Variants in NGEF observed in about 807,000 individuals in gnomAD.
NGEF encodes ephexin-1.
In NGEF, 31 loss-of-function variants were observed where a neutral mutation model predicts 80.9. That is an observed-to-expected ratio of 0.38 (90% CI 0.29 to 0.52). NGEF has a LOEUF of 0.52. NGEF is among the 20% of genes least tolerant of loss of function. The pLI is 0.84. For synonymous variants in NGEF, 371 were observed against 370.2 expected, an observed-to-expected ratio of 1.00 and a Z score of -0.03; for missense variants, 709 against 926.2, an observed-to-expected ratio of 0.77 and a Z score of 3.04.
At position 232,892,762 on chromosome 2, in the gene NGEF, GGT is replaced by G. The variant is rs552824985; in HGVS notation, c.1142+134_1142+135del. The G allele has an allele frequency of 5.5e-4, 514 of 939,190 alleles. 4 individuals carry two copies. The African/African-American group carries it at 6.8e-3, about 12-fold the overall frequency. 58.2% of individuals were successfully genotyped at this position (939,190 alleles called of 1,614,324 possible). A position where few individuals can be genotyped will look rare whatever the true frequency, so the allele number is the denominator to read the frequency against. ...GTCACCAGTATCCCTGGCCAACTCC[GGT>G]GGCTCATGTGGACCTTGGGAACGCA... is the stretch of plus-strand genomic sequence containing the variant. On this transcript the variant is annotated intron_variant, in intron 7 of 14. Transcript: ENST00000264051. The surrounding 1 kb of genome is among the most constrained non-coding windows in gnomAD (Gnocchi z 4.0).
At chr2:232,996,821 G>A (rs1268824545) in intron 1 of NGEF, among the ~76,000 whole-genome samples, 1 of 145,474 alleles carries the variant, frequency 6.9e-6, no homozygotes, top group African/African-American at 2.9e-5. Context: ...ATGGTTAAAA[G>A]ATTTTTTTAA....
rs537806195 is a variant in NGEF, at chr2:232,898,058, C to T, written c.829-3142G>A. Among the ~76,000 whole-genome samples the T allele has an allele frequency of 1.1e-4, 11 of 96,528 alleles. 1 individual carries two copies. Among genetic ancestry groups the T allele is most frequent in the East Asian group, 3.0e-4 (1 of 3,374 alleles). 63.3% of individuals were successfully genotyped at this position (96,528 alleles called of 152,430 possible). A position where few individuals can be genotyped will look rare whatever the true frequency, so the allele number is the denominator to read the frequency against. On this transcript the variant is annotated intron_variant, in intron 5 of 14. Transcript: ENST00000264051. ...CACCGACACAAAAGTGAGGCTATGA[C>T]GGGCAGCCAGTTTCCCAGAAGCTTC...
At chr2:232,897,998 G>A (rs1476858882) in intron 5 of NGEF, among the ~76,000 whole-genome samples, 11 of 152,360 alleles carry the variant, frequency 7.2e-5, no homozygotes, top group East Asian at 3.9e-4. Flanking sequence ...GCAGCCCAGC[G>A]CTGACTGGCA....
chr2:232,994,831 A>G (rs1236743485), intron 1 of NGEF, among the ~76,000 whole-genome samples: 1 of 151,922 alleles, frequency 6.6e-6, no homozygotes, highest in East Asian at 1.9e-4. Flanking sequence ...TTAACATAGA[A>G]GATACTATTC....
At chr2:232,961,517 G>C (rs1430639423) in intron 3 of NGEF, among the ~76,000 whole-genome samples, 1 of 152,052 alleles carries the variant, frequency 6.6e-6, no homozygotes, top group Non-Finnish European at 1.5e-5. Flanking sequence ...TTTTGAGATG[G>C]AGTCTAGCTC....
intron 5 of NGEF, among the ~76,000 whole-genome samples, chr2:232,895,135 A>G (rs571634745): frequency 6.6e-6 from 1 of 152,326 alleles, no homozygotes; most frequent in South Asian, 2.1e-4. Context: ...CACTACCCCT[A>G]AGGTGACAGG....
chr2:232,884,639 A>G (rs1057343141), intron 10 of NGEF, among the ~76,000 whole-genome samples: 2 of 152,200 alleles, frequency 1.3e-5, no homozygotes, highest in Non-Finnish European at 2.9e-5. Context: ...CAAGGAGGCC[A>G]GGCCTGCAGC....
chr2:232,921,627 C>CT (rs34498818), intron 4 of NGEF, among the ~76,000 whole-genome samples: 4,242 of 139,616 alleles, frequency 0.03, 171 homozygotes, highest in Admixed American at 0.12. Context: ...AGTTTTTCCT[C>CT]TTTTTTTTTT....
intron 3 of NGEF, among the ~76,000 whole-genome samples, chr2:232,935,382 C>G (rs1693308075): frequency 6.6e-6 from 1 of 152,212 alleles, no homozygotes; most frequent in African/African-American, 2.4e-5. Context: ...TTTTGGGAGG[C>G]TGAGGCAGGC....
chr2:233,004,256 C>A (rs561469057), intron 1 of NGEF, among the ~76,000 whole-genome samples: 1 of 152,298 alleles, frequency 6.6e-6, no homozygotes, highest in East Asian at 1.9e-4. Flanking sequence ...TTCTCCCACC[C>A]CTTCCCTTCT....
At chr2:232,948,032 A>G (rs1693596316) in intron 3 of NGEF, among the ~76,000 whole-genome samples, 1 of 152,180 alleles carries the variant, frequency 6.6e-6, no homozygotes, top group Non-Finnish European at 1.5e-5. Context: ...AGTTTCATTC[A>G]ATCTTTTTAA....
intron 2 of NGEF, among the ~76,000 whole-genome samples, chr2:232,971,270 G>A (rs562335759): frequency 5.3e-5 from 8 of 152,058 alleles, no homozygotes; most frequent in African/African-American, 1.9e-4. Flanking sequence ...CCCCCACCCC[G>A]TGCTCTTTCT....
chr2:232,992,750 G>A (rs1017580652), intron 1 of NGEF, among the ~76,000 whole-genome samples: 1 of 151,906 alleles, frequency 6.6e-6, no homozygotes, highest in African/African-American at 2.4e-5. Flanking sequence ...ACTTTGGGAG[G>A]CTGAGGCAGG....
rs551574744 is a variant in NGEF at position 232,882,911 on chromosome 2, G to A, written c.1757+400C>T. Among the ~76,000 whole-genome samples the A allele has an allele frequency of 3.5e-4, 53 of 152,300 alleles. No individual in the cohort carries two copies. In the South Asian group the frequency reaches 0.011, roughly 32 times the overall value. The stretch of plus-strand genomic sequence containing the variant: ...GGCAGGGGTCCCAGCTGCTCAGAGA[G>A]GTGAAGAGATGAGCTCAATGCCACA... On this transcript the variant is annotated intron_variant, in intron 12 of 14. Coordinates refer to ENST00000264051, the MANE Select transcript of NGEF (RefSeq NM_019850.3).
In NGEF at chr2:232,879,289, G is replaced by A; in HGVS notation, c.*200C>T. The A allele has an allele frequency of 1.8e-6, 1 of 561,166 alleles. No homozygotes were observed. Among genetic ancestry groups the A allele is most frequent in the Non-Finnish European group, 3.2e-6 (1 of 316,974 alleles). The allele number at this position is 561,166 out of a possible 1,614,324, so 34.8% of individuals were successfully genotyped here. On this transcript the variant is annotated 3_prime_UTR_variant, in exon 15 of 15. Transcript: ENST00000264051. ...TTTACAAATGCATCAGGAGAGGCTT[G>A]GGCACCCTTTATCCAGTTTGCGAGC...
intron 5 of NGEF, among the ~76,000 whole-genome samples, chr2:232,895,301 C>T (rs113788580): frequency 0.014 from 2,074 of 152,120 alleles, 21 homozygotes; most frequent in Non-Finnish European, 0.021. Flanking sequence ...CCGAGGCGGG[C>T]AGATCACTTG....
At chr2:232,905,622 T>C (rs750828769) in intron 5 of NGEF, 109 of 326,442 alleles carry the variant, frequency 3.3e-4, no homozygotes, top group Non-Finnish European at 5.5e-4. Flanking sequence ...GTGAGGAGCG[T>C]CTCTGCCCGG....
intron 13 of NGEF, 152 bp from the exon 14 acceptor site, chr2:232,881,402 T>C (rs1691501569): frequency 3.2e-6 from 2 of 624,442 alleles, no homozygotes; most frequent in East Asian, 2.8e-5. Flanking sequence ...TTTGTTTCCA[T>C]AGAAAACGTT....
At chr2:232,951,503 A>AT (rs1168999039) in intron 3 of NGEF, among the ~76,000 whole-genome samples, 6 of 152,180 alleles carry the variant, frequency 3.9e-5, no homozygotes, top group Non-Finnish European at 8.8e-5. Context: ...GGAGCATGCT[A>AT]TTATTCTACA....
Sources: gnomAD v4.1 joint callset for allele counts (sites outside exome capture counted in the v4.1 genomes callset) on GRCh38, gnomAD v4.1.1 for gene constraint, Gnocchi (gnomAD v3.1) non-coding constraint, MANE v1.5 for transcripts, NCBI Gene and HGNC (gene_info 2026-07-23, HGNC 2026-07-21) for gene names.